The following INPP4B variants were observed in gnomAD, a reference collection of about 807,000 sequenced individuals.
INPP4B encodes the protein inositol polyphosphate 4-phosphatase type II.
Under a neutral mutation model 122.5 loss-of-function variants are expected in INPP4B, and 55 were observed. The observed-to-expected ratio is 0.45, with a 90% CI of 0.36 to 0.56. The LOEUF (loss-of-function observed/expected upper bound fraction) is 0.56. Ranked by LOEUF, INPP4B falls within the 20% of genes least tolerant of loss-of-function variation. The probability of loss-of-function intolerance (pLI) is 0.00; values close to 1 mark genes in which losing one functional copy is unlikely to be tolerated. For synonymous variants in INPP4B, 403 were observed against 388.7 expected (o/e 1.04, Z -0.43); for missense variants, 1,000 against 1,097.7 (o/e 0.91, Z 1.26).
intron 7 of INPP4B, among the ~76,000 whole-genome samples, chr4:142,380,603 AAAT>A (rs1207720833): frequency 6.6e-6 from 1 of 152,156 alleles, no homozygotes; most frequent in Non-Finnish European, 1.5e-5. Flanking sequence ...ATTTTATTAG[AAAT>A]AATAAAATCT....
chr4:142,670,607 A>G (rs1308251124), intron 2 of INPP4B, among the ~76,000 whole-genome samples: 1 of 152,172 alleles, frequency 6.6e-6, no homozygotes, highest in Non-Finnish European at 1.5e-5. Context: ...AGTTGATGTC[A>G]TGGAAGAAGA....
intron 11 of INPP4B, among the ~76,000 whole-genome samples, chr4:142,258,731 T>C (rs543906200): frequency 1.4e-4 from 22 of 152,194 alleles, no homozygotes; most frequent in Non-Finnish European, 2.2e-4. Flanking sequence ...CGTGGAGAAA[T>C]AGGAACACTT....
chr4:142,223,437 C>T (rs1345558904), intron 12 of INPP4B, among the ~76,000 whole-genome samples: 1 of 152,014 alleles, frequency 6.6e-6, no homozygotes, highest in Non-Finnish European at 1.5e-5. Flanking sequence ...TTGTCATTTC[C>T]ATACACTTTT....
At chr4:142,338,869 T>G (rs150760642) in intron 7 of INPP4B, among the ~76,000 whole-genome samples, 2 of 152,096 alleles carry the variant, frequency 1.3e-5, no homozygotes. Context: ...GCACGGGCTC[T>G]GTGAACTACC....
At chr4:142,374,120 T>C (rs2148746434) in intron 7 of INPP4B, among the ~76,000 whole-genome samples, 1 of 152,002 alleles carries the variant, frequency 6.6e-6, no homozygotes, top group East Asian at 1.9e-4. Flanking sequence ...GGACAACAAT[T>C]ATCTCATTTT....
At chr4:142,138,116 G>A (rs1277782185) in intron 18 of INPP4B, among the ~76,000 whole-genome samples, 1 of 151,050 alleles carries the variant, frequency 6.6e-6, no homozygotes, top group Non-Finnish European at 1.5e-5. Context: ...ATTCACAATA[G>A]CAAAGACTTG....
At chr4:142,605,738 C>G (rs924292383) in intron 2 of INPP4B, among the ~76,000 whole-genome samples, 3 of 151,844 alleles carry the variant, frequency 2.0e-5, no homozygotes, top group African/African-American at 7.2e-5. Context: ...GAGACATCAT[C>G]TCACTCCAGT....
chr4:142,236,904 T>C (rs1561568444), intron 12 of INPP4B, among the ~76,000 whole-genome samples: 2 of 152,208 alleles, frequency 1.3e-5, no homozygotes. Flanking sequence ...ATTTCAGCAA[T>C]TAAAAAGTGT....
chr4:142,810,303 G>T (rs1308645397), intron 1 of INPP4B, among the ~76,000 whole-genome samples: 1 of 151,900 alleles, frequency 6.6e-6, no homozygotes, highest in East Asian at 1.9e-4. Flanking sequence ...AAAAGAATTT[G>T]TCATCAAACA....
At chr4:142,189,032 A>G (rs1187236343) in intron 15 of INPP4B, among the ~76,000 whole-genome samples, 1 of 152,174 alleles carries the variant, frequency 6.6e-6, no homozygotes, top group African/African-American at 2.4e-5. Context: ...GCCTGATATG[A>G]TTTTCCCCTT....
At chr4:142,591,615 T>C (rs571622046) in intron 2 of INPP4B, among the ~76,000 whole-genome samples, 3 of 152,110 alleles carry the variant, frequency 2.0e-5, no homozygotes, top group African/African-American at 7.2e-5. Context: ...CAAAAAGCAC[T>C]ATGGCAAGAA....
intron 2 of INPP4B, among the ~76,000 whole-genome samples, chr4:142,545,359 C>T (rs1200687471): frequency 6.6e-6 from 1 of 152,008 alleles, no homozygotes; most frequent in Non-Finnish European, 1.5e-5. Flanking sequence ...GTAGGTAATG[C>T]TATCATACCC....
At chr4:142,529,421 A>G (rs1392669551) in intron 2 of INPP4B, among the ~76,000 whole-genome samples, 7 of 152,186 alleles carry the variant, frequency 4.6e-5, no homozygotes, top group Admixed American at 3.3e-4. Context: ...AGCAGATAAG[A>G]TAATTCAGGT....
chr4:142,243,364 T>C (rs1860486168), intron 11 of INPP4B, among the ~76,000 whole-genome samples: 1 of 152,218 alleles, frequency 6.6e-6, no homozygotes, highest in Non-Finnish European at 1.5e-5. Flanking sequence ...CATTTGAAGC[T>C]ACTTAACATC....
chr4:142,730,170 G>A (rs1372145642), intron 1 of INPP4B, among the ~76,000 whole-genome samples: 2 of 152,056 alleles, frequency 1.3e-5, no homozygotes, highest in African/African-American at 2.4e-5. Flanking sequence ...AAACGTAGGA[G>A]GTATCTACCC....
chr4:142,150,156 C>T (rs932999559), intron 17 of INPP4B, among the ~76,000 whole-genome samples: 3 of 152,168 alleles, frequency 2.0e-5, no homozygotes, highest in Non-Finnish European at 2.9e-5. Flanking sequence ...TGCCTTATGC[C>T]TAGATTGCTG....
intron 5 of INPP4B, among the ~76,000 whole-genome samples, chr4:142,412,073 C>T (rs562961177): frequency 2.2e-4 from 34 of 152,222 alleles, no homozygotes; most frequent in African/African-American, 8.2e-4. Context: ...AAAACTGTCA[C>T]ATATATGTCC....
At chr4:142,789,618 C>T (rs1776252125) in intron 1 of INPP4B, among the ~76,000 whole-genome samples, 5 of 152,100 alleles carry the variant, frequency 3.3e-5, no homozygotes, top group Admixed American at 2.0e-4. Context: ...ACATTCCATG[C>T]TCATGGATGG....
At chr4:142,190,210 T>TTTG (rs549492422) in intron 15 of INPP4B, among the ~76,000 whole-genome samples, 62 of 43,960 alleles carry the variant, frequency 1.4e-3, no homozygotes, top group Middle Eastern at 0.011. Context: ...TATTTTTGTT[T>TTTG]TTTTTTTTTT....
Sources: allele counts gnomAD v4.1 joint callset (sites outside exome capture counted in the v4.1 genomes callset), GRCh38; gene constraint gnomAD v4.1.1; transcripts MANE v1.5; gene names NCBI Gene and HGNC (gene_info 2026-07-23, HGNC 2026-07-21).